The following DUSP29 variants were observed in gnomAD, a reference collection of about 807,000 sequenced individuals.
DUSP29 encodes atypical dual-specific protein phosphatase.
In DUSP29, 12 loss-of-function variants were observed where a neutral mutation model predicts 13.5. That is an observed-to-expected ratio of 0.89 (90% CI 0.57 to 1.44). The LOEUF is 1.44. Ranked by LOEUF, DUSP29 falls within the 40% of genes most tolerant of loss-of-function variation. DUSP29 has a pLI of 0.00. For missense variants in DUSP29, 308 were observed against 301.1 expected (o/e 1.02, Z -0.17); for synonymous variants, 134 against 128.7 (o/e 1.04, Z -0.28).
chr10:75,042,340 T>C (rs1436545553), intron 3 of DUSP29, among the ~76,000 whole-genome samples: 1 of 152,184 alleles, frequency 6.6e-6, no homozygotes, highest in Non-Finnish European at 1.5e-5. Flanking sequence ...GGCAAGTGAG[T>C]GCATTAAACA....
At chr10:75,068,146 A>G (rs773797600) in intron 1 of DUSP29, among the ~76,000 whole-genome samples, 20 of 152,282 alleles carry the variant, frequency 1.3e-4, no homozygotes, top group African/African-American at 2.4e-4. Flanking sequence ...TTATATACAT[A>G]TAACAGAAAA....
At chr10:75,063,960 G>T (rs11001273) in intron 1 of DUSP29, among the ~76,000 whole-genome samples, 16,297 of 152,170 alleles carry the variant, frequency 0.11, 1,140 homozygotes, top group South Asian at 0.27. Context: ...GACCACTAAG[G>T]CCTGGAGTGC....
chr10:75,054,424 C>T (rs184361107), intron 2 of DUSP29, among the ~76,000 whole-genome samples: 287 of 152,156 alleles, frequency 1.9e-3, no homozygotes, highest in African/African-American at 6.6e-3. Context: ...GATATATTGT[C>T]ATGTCTATTA....
intron 1 of DUSP29, among the ~76,000 whole-genome samples, chr10:75,071,378 C>G (rs1436614297): frequency 3.9e-5 from 6 of 152,164 alleles, no homozygotes; most frequent in Non-Finnish European, 8.8e-5. Flanking sequence ...TCACCCCCAC[C>G]CTGGTGGACT....
intron 2 of DUSP29, among the ~76,000 whole-genome samples, chr10:75,044,601 G>A (rs1377425750): frequency 2.0e-5 from 3 of 152,170 alleles, no homozygotes; most frequent in Non-Finnish European, 2.9e-5. Flanking sequence ...TGAGAAGGAG[G>A]GCTTTTTGAG....
chr10:75,067,505 G>A (rs1020963784), intron 1 of DUSP29, among the ~76,000 whole-genome samples: 42 of 152,140 alleles, frequency 2.8e-4, no homozygotes, highest in Admixed American at 1.6e-3. Flanking sequence ...GTGCTCTGGC[G>A]GGTCACGAGA....
At chr10:75,052,800 A>G (rs902191479) in intron 2 of DUSP29, among the ~76,000 whole-genome samples, 3 of 152,220 alleles carry the variant, frequency 2.0e-5, no homozygotes, top group Admixed American at 1.3e-4. Flanking sequence ...CCCAAAGCCA[A>G]TGCACCTGAC....
intron 2 of DUSP29, among the ~76,000 whole-genome samples, chr10:75,050,617 A>G (rs1310479140): frequency 6.6e-6 from 1 of 152,252 alleles, no homozygotes; most frequent in Admixed American, 6.5e-5. Context: ...AAGGCCACCC[A>G]TAGTTGGTGG....
chr10:75,070,108 AGG>A, intron 1 of DUSP29, among the ~76,000 whole-genome samples: 1 of 148,348 alleles, frequency 6.7e-6, no homozygotes. Flanking sequence ...GAAGGAAGGA[AGG>A]AAGGAAGGAA....
At chr10:75,058,193 A>T in intron 2 of DUSP29, 122 bp downstream of exon 2, 1 of 1,187,150 alleles carries the variant, frequency 8.4e-7, no homozygotes, top group Non-Finnish European at 1.2e-6. Flanking sequence ...CCCAGCCCTA[A>T]CTAATTGAGT....
chr10:75,043,747 C>A (rs760644148), intron 3 of DUSP29, 50 bp downstream of exon 3: 1 of 1,130,172 alleles, frequency 8.8e-7, no homozygotes, highest in Non-Finnish European at 1.1e-6. Context: ...CGGGGCGAGT[C>A]GGGGCGGGGC....
Position 75,043,876 on chromosome 10 carries a change from G to C in DUSP29, c.342C>G (p.Asp114Glu), listed in dbSNP as rs760771710. The C allele has an allele frequency of 5.6e-6, 9 of 1,614,050 alleles. No individual in the cohort carries two copies. Among genetic ancestry groups the C allele is most frequent in the Non-Finnish European group, 7.6e-6 (9 of 1,179,946 alleles). Residue 114 changes from aspartate (D) to glutamate (E), a missense_variant, in exon 3 of 4, where the codon GAC (aspartate) becomes GAG (glutamate). Transcript: ENST00000338487. ...CACTGAGGTCGAAGGTGGGCAGGTC[G>C]TCGGCCTCCACGCCGTGGTACTGGA... The part of the protein sequence containing the change: ...MDIQYHGVEA[D>E]DLPTFDLSVF...
chr10:75,055,797 G>A (rs1376379497), intron 2 of DUSP29, among the ~76,000 whole-genome samples: 1 of 152,154 alleles, frequency 6.6e-6, no homozygotes, highest in Non-Finnish European at 1.5e-5. Flanking sequence ...GAGAGTTTCT[G>A]TACACCCCTC....
chr10:75,073,012 C>T (rs561666244), intron 1 of DUSP29, among the ~76,000 whole-genome samples: 1 of 151,592 alleles, frequency 6.6e-6, no homozygotes, highest in Non-Finnish European at 1.5e-5. Flanking sequence ...ATCTCTACCA[C>T]GGCAGCGTCA....
chr10:75,058,801 C>G (rs185078851), intron 1 of DUSP29, among the ~76,000 whole-genome samples: 46 of 152,294 alleles, frequency 3.0e-4, no homozygotes, highest in Admixed American at 4.6e-4. Flanking sequence ...TGGGCCAAGG[C>G]GGGCTCTGGA....
In DUSP29 at chr10:75,066,024, G is replaced by A. The variant is rs1847194015; in HGVS notation, c.-34-7476C>T. 2.0e-5 allele frequency among the ~76,000 whole-genome samples: 3 copies of A among 152,226 alleles called. No individual in the cohort carries two copies. The South Asian group carries it at 6.2e-4, about 32-fold the overall frequency. On this transcript the variant is annotated intron_variant, in intron 1 of 3. Transcript: ENST00000338487. ...GAGATTACGGGTGTGAGCCACTTTG[G>A]CCTATTTGAGGGTCCCTTTGATGGG... is the stretch of plus-strand genomic sequence containing the variant.
Position 75,058,353 on chromosome 10 carries a change from G to A in DUSP29, c.162C>T (p.His54=), listed in dbSNP as rs775229265. Residue 54 remains histidine, a synonymous_variant, in exon 2 of 4, where the codon CAC becomes CAT. Coordinates refer to ENST00000338487, the MANE Select transcript of DUSP29 (RefSeq NM_001003892.3). ...LFWKGSPQYT[H]VNEVWPKLYI... ...AGAGCTTGGGCCAGACCTCGTTGACGTGGGTGTACTGGGGACTGCCCTTCC... is the reference window on the plus strand; with the variant it reads ...AGAGCTTGGGCCAGACCTCGTTGACATGGGTGTACTGGGGACTGCCCTTCC... 11 of 1,614,184 alleles carry A rather than the reference G, an allele frequency of 6.8e-6. No homozygotes were observed. The highest frequency in any genetic ancestry group is 3.3e-5 in the South Asian group (3 of 91,082).
At chr10:75,070,012 T>G (rs539218205) in intron 1 of DUSP29, among the ~76,000 whole-genome samples, 1 of 147,188 alleles carries the variant, frequency 6.8e-6, no homozygotes, top group African/African-American at 2.5e-5. Context: ...ATCATGCCAC[T>G]GCACTCCAGC....
chr10:75,069,910 C>CGTG (rs1847285817), intron 1 of DUSP29, among the ~76,000 whole-genome samples: 2 of 150,650 alleles, frequency 1.3e-5, no homozygotes, highest in African/African-American at 4.9e-5. Flanking sequence ...ATGAGCTGGG[C>CGTG]GTGGTGGTGT....
Sources: gnomAD v4.1 joint callset for allele counts (sites outside exome capture counted in the v4.1 genomes callset) on GRCh38, gnomAD v4.1.1 for gene constraint, MANE v1.5 for transcripts, NCBI Gene and HGNC (gene_info 2026-07-23, HGNC 2026-07-21) for gene names.